The following FHIT variants were observed in gnomAD, a reference collection of about 807,000 sequenced individuals.
FHIT encodes the protein fragile histidine triad diadenosine triphosphatase, also known as bis(5'-adenosyl)-triphosphatase.
FHIT carries 19 observed loss-of-function variants against 17.9 expected under a neutral mutation model. That is an observed-to-expected ratio of 1.06 (90% confidence interval 0.74 to 1.56). The LOEUF (loss-of-function observed/expected upper bound fraction) is 1.56. FHIT is among the 40% of genes most tolerant of loss of function. The probability of loss-of-function intolerance (pLI) is 0.00; values close to 1 mark genes in which losing one functional copy is unlikely to be tolerated. For synonymous variants in FHIT, 81 were observed against 69.7 expected (o/e 1.16, Z -0.81); for missense variants, 248 against 189.2 (o/e 1.31, Z -1.82).
chr3:60,321,409 A>G (rs1473590781), intron 5 of FHIT, among the ~76,000 whole-genome samples: 1 of 152,168 alleles, frequency 6.6e-6, no homozygotes, highest in Non-Finnish European at 1.5e-5. Flanking sequence ...TCCGGAGGTC[A>G]AGTCTGCAGA....
chr3:59,780,199 T>C (rs1004905044), intron 8 of FHIT, among the ~76,000 whole-genome samples: 3 of 152,192 alleles, frequency 2.0e-5, no homozygotes, highest in African/African-American at 7.2e-5. Flanking sequence ...ACACCATCAC[T>C]GGCATTGAAA....
At chr3:60,416,957 C>T (rs242191) in intron 5 of FHIT, among the ~76,000 whole-genome samples, 4,093 of 151,880 alleles carry the variant, frequency 0.027, 93 homozygotes, top group African/African-American at 0.06. Context: ...GGCGTGGTGG[C>T]AGGCGCCTGT....
At chr3:60,363,836 A>G (rs1272351556) in intron 5 of FHIT, among the ~76,000 whole-genome samples, 1 of 152,160 alleles carries the variant, frequency 6.6e-6, no homozygotes, top group African/African-American at 2.4e-5. Context: ...ACAGTTCAGG[A>G]TATTTATTCC....
intron 8 of FHIT, among the ~76,000 whole-genome samples, chr3:59,847,231 A>G (rs1701755832): frequency 6.6e-6 from 1 of 151,886 alleles, no homozygotes; most frequent in African/African-American, 2.4e-5. Flanking sequence ...GGTTCACTTG[A>G]TGGTGTACCA....
chr3:61,184,923 C>G (rs11927024), intron 2 of FHIT, among the ~76,000 whole-genome samples: 8 of 152,014 alleles, frequency 5.3e-5, no homozygotes, highest in Admixed American at 2.0e-4. Flanking sequence ...CTAGAAAGAA[C>G]GGCACATTTC....
intron 9 of FHIT, chr3:59,750,401 C>A (rs1308175523): frequency 4.5e-6 from 1 of 224,224 alleles, no homozygotes; most frequent in African/African-American, 2.2e-5. Context: ...TTGAACAGGG[C>A]ACTCTAAAAT....
chr3:60,827,605 A>C (rs1702174119), intron 3 of FHIT, among the ~76,000 whole-genome samples: 1 of 152,222 alleles, frequency 6.6e-6, no homozygotes, highest in South Asian at 2.1e-4. Flanking sequence ...TGTCTGAGTA[A>C]GTACTTATAA....
intron 2 of FHIT, among the ~76,000 whole-genome samples, chr3:61,184,700 G>A (rs2038451569): frequency 6.6e-6 from 1 of 152,064 alleles, no homozygotes; most frequent in African/African-American, 2.4e-5. Flanking sequence ...GGAATAATCT[G>A]TCCAAGAACA....
intron 4 of FHIT, among the ~76,000 whole-genome samples, chr3:60,655,150 T>C (rs995977676): frequency 2.6e-5 from 4 of 152,162 alleles, no homozygotes; most frequent in Non-Finnish European, 4.4e-5. Flanking sequence ...ACATAAAAAA[T>C]AAATAAGTGT....
chr3:59,767,882 T>C (rs978720611), intron 8 of FHIT, among the ~76,000 whole-genome samples: 2 of 152,192 alleles, frequency 1.3e-5, no homozygotes, highest in Admixed American at 6.5e-5. Flanking sequence ...TAACAATACA[T>C]AGCATTTGCT....
intron 7 of FHIT, among the ~76,000 whole-genome samples, chr3:59,932,721 A>C (rs185655630): frequency 6.6e-6 from 1 of 152,208 alleles, no homozygotes; most frequent in East Asian, 1.9e-4. Flanking sequence ...AAATCTTCCT[A>C]CTGTTTCTGT....
intron 5 of FHIT, among the ~76,000 whole-genome samples, chr3:60,203,167 C>A (rs1235648020): frequency 1.3e-5 from 2 of 152,058 alleles, no homozygotes; most frequent in African/African-American, 4.8e-5. Flanking sequence ...AGAGAGTTTG[C>A]ATGAAGTGTG....
intron 3 of FHIT, among the ~76,000 whole-genome samples, chr3:60,921,466 T>C (rs935532086): frequency 6.6e-5 from 10 of 152,198 alleles, no homozygotes; most frequent in Non-Finnish European, 1.5e-4. Context: ...TAAAATACTT[T>C]TAATTAAAAC....
intron 7 of FHIT, among the ~76,000 whole-genome samples, chr3:59,967,205 C>T (rs1575783152): frequency 6.6e-6 from 1 of 151,990 alleles, no homozygotes; most frequent in East Asian, 1.9e-4. Context: ...CATTCTTCTG[C>T]AATAGTCCCT....
chr3:60,507,738 T>C (rs1389829055), intron 5 of FHIT, among the ~76,000 whole-genome samples: 1 of 152,170 alleles, frequency 6.6e-6, no homozygotes, highest in Non-Finnish European at 1.5e-5. Context: ...TGTGTTCTCA[T>C]CATTTAACTC....
intron 5 of FHIT, among the ~76,000 whole-genome samples, chr3:60,197,250 G>C (rs1003465934): frequency 6.6e-6 from 1 of 151,970 alleles, no homozygotes; most frequent in African/African-American, 2.4e-5. Flanking sequence ...ACTGTGACTA[G>C]TCCAAACTGA....
At chr3:60,799,323 T>A (rs536701148) in intron 4 of FHIT, among the ~76,000 whole-genome samples, 11 of 152,140 alleles carry the variant, frequency 7.2e-5, no homozygotes, top group Non-Finnish European at 1.0e-4. Flanking sequence ...CACGGGCATG[T>A]GCCACCATGC....
Position 60,866,888 on chromosome 3 carries a change from T to C in FHIT, c.-110-44877A>G, listed in dbSNP as rs115595883. On this transcript the variant is annotated intron_variant, in intron 3 of 9. Transcript: ENST00000492590. ...TGCTTGATGAATAACTGGGTTCCTG[T>C]GATTTTTCCTCTTTTCTTTCCCCAT... 5.9e-3 allele frequency among the ~76,000 whole-genome samples: 905 copies of C among 152,278 alleles called. 4 individuals are homozygous for C. Among genetic ancestry groups the C allele is most frequent in the Non-Finnish European group, 0.01 (684 of 68,018 alleles).
At chr3:60,381,345 G>A (rs551784063) in intron 5 of FHIT, among the ~76,000 whole-genome samples, 4 of 152,182 alleles carry the variant, frequency 2.6e-5, no homozygotes, top group Non-Finnish European at 5.9e-5. Flanking sequence ...GGGCATGGTG[G>A]TGGGCACCTG....
Sources: allele counts gnomAD v4.1 joint callset (sites outside exome capture counted in the v4.1 genomes callset), GRCh38; gene constraint gnomAD v4.1.1; transcripts MANE v1.5; gene names NCBI Gene and HGNC (gene_info 2026-07-23, HGNC 2026-07-21).